Variants in SLTM observed in about 807,000 individuals in gnomAD.
SLTM encodes the protein SAFB-like transcription modulator.
A neutral mutation model predicts 134.6 loss-of-function variants in SLTM; 43 were observed. The ratio of observed to expected loss-of-function variants is 0.32; its 90% confidence interval spans 0.25 to 0.41. The LOEUF (loss-of-function observed/expected upper bound fraction) is 0.41, where lower values mean the gene tolerates loss of function less well. SLTM is among the 10% of genes least tolerant of loss of function. The probability of loss-of-function intolerance (pLI) is 1.00; values close to 1 mark genes in which losing one functional copy is unlikely to be tolerated. For missense variants in SLTM, 1,055 were observed against 1,288.8 expected (o/e 0.82, Z 2.78); for synonymous variants, 424 against 432.3 (o/e 0.98, Z 0.24).
chr15:58,898,787 G>GA lies in SLTM; in HGVS notation c.1108+15dup, dbSNP rs745988139. 2.5e-6 allele frequency: 4 copies of GA among 1,584,374 alleles called. No individual in the cohort carries two copies. Among genetic ancestry groups the GA allele is most frequent in the East Asian group, 2.3e-5 (1 of 44,308 alleles). On this transcript the variant is annotated intron_variant, in intron 8 of 20. Transcript: ENST00000380516. ...CAATGTCAACACTGAAATAAATAGG[G>GA]AAAAAAATTCTTTACCTTTGTCATC...
At chr15:58,926,521 G>GTA (rs1386456880) in intron 2 of SLTM, among the ~76,000 whole-genome samples, 1 of 151,830 alleles carries the variant, frequency 6.6e-6, no homozygotes, top group Non-Finnish European at 1.5e-5. Context: ...TTATAAACAT[G>GTA]TATATATATC....
chr15:58,883,029 T>C (rs11858989), intron 20 of SLTM, among the ~76,000 whole-genome samples: 107,719 of 152,198 alleles, frequency 0.71, 39,463 homozygotes, highest in Middle Eastern at 0.84. Flanking sequence ...AGATTCATTA[T>C]CTAGACTGAG....
chr15:58,925,746 G>C (rs1328816756), intron 2 of SLTM, among the ~76,000 whole-genome samples: 1 of 152,110 alleles, frequency 6.6e-6, no homozygotes, highest in African/African-American at 2.4e-5. Flanking sequence ...ATTATCTAAA[G>C]ATGAACAGAA....
chr15:58,915,191 AAAAAACAAAAACAAAAACAAAAAC>A (rs140925385), intron 3 of SLTM, among the ~76,000 whole-genome samples: 6 of 150,108 alleles, frequency 4.0e-5, no homozygotes, highest in South Asian at 2.1e-4. Context: ...ACTCCATCTC[AAAAAACAAAAACAAAAACAAAAAC>A]AAAAACAAAA....
At chr15:58,930,225 C>T (rs949292515) in intron 2 of SLTM, among the ~76,000 whole-genome samples, 38 of 151,816 alleles carry the variant, frequency 2.5e-4, no homozygotes, top group African/African-American at 9.0e-4. Flanking sequence ...CTGTCTCAGC[C>T]TCCCCAGCCT....
chr15:58,903,350 T>C (rs1252087605), intron 5 of SLTM, among the ~76,000 whole-genome samples: 2 of 152,184 alleles, frequency 1.3e-5, no homozygotes, highest in East Asian at 3.8e-4. Context: ...TAACTTCTGC[T>C]TAGAAAACTA....
At chr15:58,932,904 CAAAA>C (rs1483156680) in intron 1 of SLTM, among the ~76,000 whole-genome samples, 1 of 152,184 alleles carries the variant, frequency 6.6e-6, no homozygotes, top group Non-Finnish European at 1.5e-5. Context: ...TAGTGGAAAA[CAAAA>C]ACTCTGTCAC....
intron 2 of SLTM, among the ~76,000 whole-genome samples, chr15:58,929,194 G>A (rs1393364077): frequency 6.6e-6 from 1 of 152,174 alleles, no homozygotes; most frequent in African/African-American, 2.4e-5. Context: ...TCAGCCAGGT[G>A]CGGTGGCTCA....
chr15:58,905,577 T>A (rs868380293), intron 5 of SLTM, among the ~76,000 whole-genome samples: 6 of 152,002 alleles, frequency 3.9e-5, no homozygotes, highest in Non-Finnish European at 5.9e-5. Flanking sequence ...AATAATTTTT[T>A]AAAAAAGAAT....
At position 58,885,608 on chromosome 15, in the gene SLTM, A is replaced by ACC. The variant is rs1323286276; in HGVS notation, c.2835+1365_2835+1366dup. On this transcript the variant is annotated intron_variant, in intron 19 of 20. Coordinates refer to ENST00000380516, the MANE Select transcript of SLTM (RefSeq NM_024755.4). ...AAACCAGCCTGACCAACATGGTGAAACCCCGCCTCTACTAAAAATACAAAA... is the reference window on the plus strand; with the variant it reads ...AAACCAGCCTGACCAACATGGTGAAACCCCCCGCCTCTACTAAAAATACAAAA... Among the ~76,000 whole-genome samples the ACC allele has an allele frequency of 4.6e-5, 7 of 151,578 alleles. No homozygotes were observed. In the East Asian group the frequency reaches 1.3e-3, roughly 29 times the overall value.
At chr15:58,884,121 T>G (rs1035367971) in intron 19 of SLTM, among the ~76,000 whole-genome samples, 1 of 149,826 alleles carries the variant, frequency 6.7e-6, no homozygotes, top group Non-Finnish European at 1.5e-5. Context: ...AAAGGAGAAG[T>G]CACAATACCC....
intron 5 of SLTM, 140 bp from the exon 6 acceptor site, chr15:58,901,427 G>C (rs1167615091): frequency 1.5e-6 from 1 of 675,010 alleles, no homozygotes; most frequent in African/African-American, 1.8e-5. Context: ...CAAATAAATA[G>C]GCTATTCCAA....
chr15:58,920,017 A>G (rs1206234231), intron 2 of SLTM, among the ~76,000 whole-genome samples: 1 of 152,120 alleles, frequency 6.6e-6, no homozygotes, highest in Non-Finnish European at 1.5e-5. Context: ...GAATTAATTC[A>G]ACTTAATTAT....
chr15:58,932,061 G>A (rs1419543264), intron 2 of SLTM: 1 of 241,458 alleles, frequency 4.1e-6, no homozygotes, highest in Non-Finnish European at 8.3e-6. Flanking sequence ...GTGTTAAACT[G>A]TATTTTATTC....
chr15:58,906,887 G>C (rs1342132283), intron 5 of SLTM, among the ~76,000 whole-genome samples: 1 of 152,170 alleles, frequency 6.6e-6, no homozygotes, highest in Non-Finnish European at 1.5e-5. Flanking sequence ...AAGTACGATA[G>C]AACTCAGAAA....
At chr15:58,915,783 GCT>G (rs1197621300) in intron 3 of SLTM, among the ~76,000 whole-genome samples, 1 of 152,054 alleles carries the variant, frequency 6.6e-6, no homozygotes, top group Non-Finnish European at 1.5e-5. Context: ...ATGAACATGA[GCT>G]GACTCTATGG....
chr15:58,928,732 T>C (rs773047574), intron 2 of SLTM, among the ~76,000 whole-genome samples: 2 of 152,208 alleles, frequency 1.3e-5, no homozygotes, highest in Non-Finnish European at 2.9e-5. Context: ...AAGCTTCTCG[T>C]CATTTAACTT....
chr15:58,912,713 T>C (rs2036368564), intron 4 of SLTM, 103 bp from the exon 5 acceptor site: 1 of 924,970 alleles, frequency 1.1e-6, no homozygotes, highest in Admixed American at 2.1e-5. Flanking sequence ...GTGTTCTGTA[T>C]AATATCTGCG....
At chr15:58,914,227 T>C (rs1426305770) in intron 3 of SLTM, among the ~76,000 whole-genome samples, 2 of 152,248 alleles carry the variant, frequency 1.3e-5, no homozygotes, top group African/African-American at 4.8e-5. Flanking sequence ...TAGGTTGGGA[T>C]TGGATCTGTT....
Sources: gnomAD v4.1 joint callset for allele counts (sites outside exome capture counted in the v4.1 genomes callset) on GRCh38, gnomAD v4.1.1 for gene constraint, MANE v1.5 for transcripts, NCBI Gene and HGNC (gene_info 2026-07-23, HGNC 2026-07-21) for gene names.